NR3C2: variants seen among roughly 807,000 people sequenced by gnomAD.
NR3C2 encodes mineralocorticoid receptor.
In NR3C2, 15 loss-of-function variants were observed where a neutral mutation model predicts 86.4. The ratio of observed to expected loss-of-function variants is 0.17; its 90% confidence interval spans 0.12 to 0.27. NR3C2 has a LOEUF of 0.27. Among genes scored for constraint, NR3C2 ranks in the 10% least tolerant of loss-of-function variants. The pLI, the probability that NR3C2 is intolerant of heterozygous loss-of-function variation, is 1.00. For missense variants in NR3C2, 960 were observed against 1,195.6 expected (o/e 0.80, Z 2.91); for synonymous variants, 458 against 450.5 (o/e 1.02, Z -0.21).
intron 8 of NR3C2, among the ~76,000 whole-genome samples, chr4:148,097,741 GTTT>G (rs1180902227): frequency 9.3e-6 from 1 of 107,504 alleles, no homozygotes; most frequent in East Asian, 2.4e-4. Flanking sequence ...ACTTTTTTGC[GTTT>G]TTTTTTGTTT....
chr4:148,213,510 T>C (rs2356394), intron 3 of NR3C2, among the ~76,000 whole-genome samples: 137,695 of 152,192 alleles, frequency 0.9, 62,450 homozygotes, highest in African/African-American at 0.96. Context: ...GTATTCTGAA[T>C]TGAATACGTT....
chr4:148,278,038 A>T (rs1012398566), intron 2 of NR3C2, among the ~76,000 whole-genome samples: 2 of 152,234 alleles, frequency 1.3e-5, no homozygotes, highest in Admixed American at 1.3e-4. Flanking sequence ...ATTATTTCAT[A>T]AAGGAAATAT....
intron 2 of NR3C2, among the ~76,000 whole-genome samples, chr4:148,374,317 A>G (rs1163192996): frequency 2.0e-5 from 3 of 152,208 alleles, no homozygotes; most frequent in Non-Finnish European, 4.4e-5. Context: ...AGTCTCTTAA[A>G]AAGGCAAAAT....
At chr4:148,330,327 G>A (rs1744168718) in intron 2 of NR3C2, among the ~76,000 whole-genome samples, 1 of 152,120 alleles carries the variant, frequency 6.6e-6, no homozygotes, top group African/African-American at 2.4e-5. Flanking sequence ...CACACACTAT[G>A]AATTACAGCC....
chr4:148,306,420 G>A (rs774555011), intron 2 of NR3C2, among the ~76,000 whole-genome samples: 3 of 152,100 alleles, frequency 2.0e-5, no homozygotes, highest in East Asian at 1.9e-4. Flanking sequence ...CTCCTATGTC[G>A]GAGGGTAAGT....
intron 3 of NR3C2, among the ~76,000 whole-genome samples, chr4:148,196,028 T>C (rs1736425979): frequency 1.3e-5 from 2 of 152,102 alleles, no homozygotes; most frequent in Admixed American, 1.3e-4. Flanking sequence ...TGCAGTGGAC[T>C]AAGGACAGAA....
chr4:148,356,607 C>A (rs1394298632), intron 2 of NR3C2, among the ~76,000 whole-genome samples: 1 of 152,078 alleles, frequency 6.6e-6, no homozygotes. Context: ...ACCATATAAA[C>A]CTATGAAATT....
At position 148,079,375 on chromosome 4, in the gene NR3C2, G is replaced by GTGTC. The variant is rs1578856471; in HGVS notation, c.*1965_*1968dup. The GTGTC allele has an allele frequency of 1.3e-5, 2 of 152,340 alleles. No individual in the cohort carries two copies. Among genetic ancestry groups the GTGTC allele is most frequent in the East Asian group, 3.9e-4 (2 of 5,190 alleles). 9.4% of individuals were successfully genotyped at this position (152,340 alleles called of 1,614,324 possible). A position where few individuals can be genotyped will look rare whatever the true frequency, so the allele number is the denominator to read the frequency against. On this transcript the variant is annotated 3_prime_UTR_variant, in exon 9 of 9. Transcript: ENST00000358102. ...ACAGGTTTCCCCTTGCATAAGGCAG[G>GTGTC]TGTCTTTTGAAAGACAAGGTAATGT...
intron 2 of NR3C2, among the ~76,000 whole-genome samples, chr4:148,341,521 T>G (rs1744749113): frequency 6.6e-6 from 1 of 152,074 alleles, no homozygotes; most frequent in Non-Finnish European, 1.5e-5. Context: ...ATAAAAGGAA[T>G]AAGACCTAGT....
intron 4 of NR3C2, among the ~76,000 whole-genome samples, chr4:148,182,216 T>G (rs990061414): frequency 6.6e-6 from 1 of 152,226 alleles, no homozygotes; most frequent in African/African-American, 2.4e-5. Flanking sequence ...GGGTTTTAAT[T>G]CATGTTTTTA....
intron 2 of NR3C2, among the ~76,000 whole-genome samples, chr4:148,343,782 A>G (rs1050396071): frequency 5.3e-5 from 8 of 152,260 alleles, no homozygotes; most frequent in African/African-American, 1.9e-4. Context: ...CTCGAAAAAA[A>G]TTGCAAAGGA....
chr4:148,390,093 A>T (rs1360004915), intron 2 of NR3C2, among the ~76,000 whole-genome samples: 1 of 151,936 alleles, frequency 6.6e-6, no homozygotes, highest in Non-Finnish European at 1.5e-5. Flanking sequence ...GAGGGAAGGA[A>T]ATATGATCAG....
intron 2 of NR3C2, among the ~76,000 whole-genome samples, chr4:148,345,549 C>T (rs1744948642): frequency 6.6e-6 from 1 of 151,790 alleles, no homozygotes. Flanking sequence ...AGTTTACAAA[C>T]CATTTTCTTA....
At chr4:148,291,600 A>T (rs568769477) in intron 2 of NR3C2, among the ~76,000 whole-genome samples, 5 of 152,146 alleles carry the variant, frequency 3.3e-5, no homozygotes, top group African/African-American at 9.6e-5. Context: ...TTCTGCTTGT[A>T]TTCTTTTCTC....
chr4:148,326,153 G>A (rs560622878), intron 2 of NR3C2, among the ~76,000 whole-genome samples: 2 of 152,044 alleles, frequency 1.3e-5, no homozygotes, highest in African/African-American at 4.8e-5. Context: ...CACTTTGGGA[G>A]GCTGAGGCGG....
chr4:148,129,219 C>T (rs79338878), intron 6 of NR3C2, among the ~76,000 whole-genome samples: 4,871 of 152,284 alleles, frequency 0.032, 270 homozygotes, highest in African/African-American at 0.11. Context: ...ACATATGCTA[C>T]ACCATGGATG....
At chr4:148,414,726 C>G (rs1409897036) in intron 2 of NR3C2, among the ~76,000 whole-genome samples, 4 of 152,122 alleles carry the variant, frequency 2.6e-5, no homozygotes, top group African/African-American at 9.7e-5. Flanking sequence ...GACGTGAGAG[C>G]TTCTGAAAGG....
chr4:148,412,000 T>G (rs1748731333), intron 2 of NR3C2, among the ~76,000 whole-genome samples: 1 of 152,204 alleles, frequency 6.6e-6, no homozygotes, highest in Admixed American at 6.5e-5. Context: ...TGGTCAGAGC[T>G]GGGCTATAAC....
chr4:148,346,964 C>T (rs939750878), intron 2 of NR3C2, among the ~76,000 whole-genome samples: 11 of 151,862 alleles, frequency 7.2e-5, no homozygotes, highest in African/African-American at 1.7e-4. Flanking sequence ...AGTGGTATGA[C>T]GAGGAAGAGC....
Sources: gnomAD v4.1 joint callset for allele counts (sites outside exome capture counted in the v4.1 genomes callset) on GRCh38, gnomAD v4.1.1 for gene constraint, MANE v1.5 for transcripts, NCBI Gene and HGNC (gene_info 2026-07-23, HGNC 2026-07-21) for gene names.